Variants in TMPRSS11A observed in about 807,000 individuals in gnomAD.
TMPRSS11A encodes transmembrane protease serine 11A.
In TMPRSS11A, 53 loss-of-function variants were observed where a neutral mutation model predicts 58.9. The observed-to-expected ratio is 0.90, with a 90% CI of 0.72 to 1.13. The LOEUF (loss-of-function observed/expected upper bound fraction) is 1.13, where lower values mean the gene tolerates loss of function less well. Ranked by LOEUF, TMPRSS11A falls within the 50% of genes most tolerant of loss-of-function variation. TMPRSS11A has a pLI of 0.00. For missense variants in TMPRSS11A, 493 were observed against 499.3 expected (o/e 0.99, Z 0.12); for synonymous variants, 167 against 169.8 (o/e 0.98, Z 0.13).
At chr4:67,912,605 G>GT (rs1485600389) in intron 9 of TMPRSS11A, among the ~76,000 whole-genome samples, 1 of 152,140 alleles carries the variant, frequency 6.6e-6, no homozygotes, top group Non-Finnish European at 1.5e-5. Flanking sequence ...GTTAGCATGG[G>GT]TAGGAATCTA....
chr4:67,941,008 G>C (rs908810383), intron 3 of TMPRSS11A, among the ~76,000 whole-genome samples: 1 of 152,134 alleles, frequency 6.6e-6, no homozygotes, highest in Non-Finnish European at 1.5e-5. Context: ...GCAGTAATCA[G>C]ACATCAGTAA....
At chr4:67,937,237 T>G (rs1720775581) in intron 3 of TMPRSS11A, among the ~76,000 whole-genome samples, 1 of 152,172 alleles carries the variant, frequency 6.6e-6, no homozygotes. Flanking sequence ...ACACCTTTCT[T>G]CCAACTATAG....
chr4:67,927,472 G>A (rs2109745582), intron 5 of TMPRSS11A, among the ~76,000 whole-genome samples: 1 of 152,358 alleles, frequency 6.6e-6, no homozygotes, highest in South Asian at 2.1e-4. Context: ...TCATGCTGCA[G>A]CCAGTGTGCC....
At chr4:67,954,257 G>T (rs1020407008) in intron 1 of TMPRSS11A, among the ~76,000 whole-genome samples, 11 of 152,202 alleles carry the variant, frequency 7.2e-5, no homozygotes, top group African/African-American at 2.4e-4. Context: ...GGCTGAAGGG[G>T]ACTGAGAGCA....
At chr4:67,919,763 G>A (rs1720269544) in intron 7 of TMPRSS11A, among the ~76,000 whole-genome samples, 1 of 152,210 alleles carries the variant, frequency 6.6e-6, no homozygotes, top group Non-Finnish European at 1.5e-5. Flanking sequence ...GTAAAAGAGG[G>A]TCAGTGTGAG....
At chr4:67,956,936 G>T (rs1054858977) in intron 1 of TMPRSS11A, among the ~76,000 whole-genome samples, 2 of 152,134 alleles carry the variant, frequency 1.3e-5, no homozygotes, top group African/African-American at 4.8e-5. Context: ...TCATGGAGGT[G>T]GGTCTTTCCC....
chr4:67,922,987 C>T (rs893938266), intron 6 of TMPRSS11A, 61 bp from the exon 7 acceptor site: 4 of 1,556,554 alleles, frequency 2.6e-6, no homozygotes, highest in Non-Finnish European at 3.5e-6. Flanking sequence ...GAAATGACCC[C>T]ATTCTTACTT....
chr4:67,963,030 G>T (rs1721475295), intron 1 of TMPRSS11A, among the ~76,000 whole-genome samples: 2 of 152,162 alleles, frequency 1.3e-5, no homozygotes, highest in Admixed American at 1.3e-4. Flanking sequence ...TGTCAATATT[G>T]CTGAAAGAAG....
At chr4:67,950,024 G>A (rs72851263) in intron 1 of TMPRSS11A, among the ~76,000 whole-genome samples, 2,802 of 152,246 alleles carry the variant, frequency 0.018, 90 homozygotes, top group African/African-American at 0.063. Context: ...TGCTTTGCTT[G>A]TGCTGATAAA....
At chr4:67,919,262 A>G in intron 7 of TMPRSS11A, 30 bp from the exon 8 acceptor site, 1 of 1,603,274 alleles carries the variant, frequency 6.2e-7, no homozygotes, top group Non-Finnish European at 8.5e-7. Flanking sequence ...AACAGAATAT[A>G]TATAAGCTGC....
chr4:67,949,360 A>G (rs1721101886), intron 1 of TMPRSS11A, among the ~76,000 whole-genome samples: 1 of 152,190 alleles, frequency 6.6e-6, no homozygotes, highest in Non-Finnish European at 1.5e-5. Flanking sequence ...TCTGAGGGAA[A>G]ATGGTGGCCA....
intron 8 of TMPRSS11A, among the ~76,000 whole-genome samples, chr4:67,917,096 A>G (rs1244445758): frequency 1.3e-5 from 2 of 151,762 alleles, no homozygotes; most frequent in Non-Finnish European, 2.9e-5. Flanking sequence ...TTATTTATCA[A>G]TTTTCTATAG....
intron 8 of TMPRSS11A, among the ~76,000 whole-genome samples, chr4:67,917,371 T>A (rs1453243941): frequency 6.6e-6 from 1 of 152,224 alleles, no homozygotes; most frequent in South Asian, 2.1e-4. Flanking sequence ...TATTTACATA[T>A]GTTTTTTAAT....
chr4:67,916,472 T>TACACACACACACACACAC (rs34678013), intron 8 of TMPRSS11A, among the ~76,000 whole-genome samples: 5 of 150,094 alleles, frequency 3.3e-5, no homozygotes, highest in African/African-American at 1.2e-4. Context: ...ATATATATTA[T>TACACACACACACACACAC]ACACACACAC....
In TMPRSS11A at chr4:67,911,020, A is replaced by G. The variant is rs1052933105; in HGVS notation, c.*322T>C. ...CTCAGTTAAAAGGAGACCCTTGACA[A>G]CGACATTCTAAAAATCCCATGGACT... On this transcript the variant is annotated 3_prime_UTR_variant, in exon 10 of 10. Transcript: ENST00000508048. 1 of 191,724 alleles carries G rather than the reference A, an allele frequency of 5.2e-6. No homozygotes were observed. The highest frequency in any genetic ancestry group is 2.3e-5 in the African/African-American group (1 of 43,140). 11.9% of individuals were successfully genotyped at this position (191,724 alleles called of 1,614,324 possible). A position where few individuals can be genotyped will look rare whatever the true frequency, so the allele number is the denominator to read the frequency against.
chr4:67,920,574 CAT>C (rs1436400363), intron 7 of TMPRSS11A, among the ~76,000 whole-genome samples: 5 of 142,526 alleles, frequency 3.5e-5, no homozygotes, highest in Non-Finnish European at 7.6e-5. Flanking sequence ...TACACACACA[CAT>C]ATATGCATAT....
At chr4:67,941,198 C>A (rs894826742) in intron 3 of TMPRSS11A, among the ~76,000 whole-genome samples, 2 of 152,166 alleles carry the variant, frequency 1.3e-5, no homozygotes, top group East Asian at 1.9e-4. Context: ...GGACGTGCAA[C>A]CTGTCTTCCT....
intron 1 of TMPRSS11A, among the ~76,000 whole-genome samples, chr4:67,956,178 G>A (rs1160547407): frequency 6.6e-6 from 1 of 152,148 alleles, no homozygotes; most frequent in East Asian, 1.9e-4. Flanking sequence ...GTCAGGAGGT[G>A]TCATATAGGT....
chr4:67,918,258 G>A (rs2109736193), intron 8 of TMPRSS11A, among the ~76,000 whole-genome samples: 1 of 152,274 alleles, frequency 6.6e-6, no homozygotes, highest in East Asian at 1.9e-4. Context: ...AGAATCCAGA[G>A]CGTGTCTCAC....
Sources: gnomAD v4.1 joint callset for allele counts (sites outside exome capture counted in the v4.1 genomes callset) on GRCh38, gnomAD v4.1.1 for gene constraint, MANE v1.5 for transcripts, NCBI Gene and HGNC (gene_info 2026-07-23, HGNC 2026-07-21) for gene names.